ARHGAP27: variants seen among roughly 807,000 people sequenced by gnomAD.
ARHGAP27 encodes rho GTPase-activating protein 27.
In ARHGAP27, 53 loss-of-function variants were observed where a neutral mutation model predicts 102.0. The ratio of observed to expected loss-of-function variants is 0.52; its 90% CI spans 0.42 to 0.65. The LOEUF is 0.65. ARHGAP27 is among the 30% of genes least tolerant of loss of function. The pLI, the probability that ARHGAP27 is intolerant of heterozygous loss-of-function variation, is 0.00. For synonymous variants in ARHGAP27, 525 were observed against 542.8 expected (o/e 0.97, Z 0.46); for missense variants, 1,117 against 1,256.2 (o/e 0.89, Z 1.68).
At position 45,405,778 on chromosome 17, in the gene ARHGAP27, C is replaced by G. The variant is rs1325162292; in HGVS notation, c.963G>C (p.Pro321=). 2 of 1,568,938 alleles carry G rather than the reference C, an allele frequency of 1.3e-6. No individual in the cohort carries two copies. Among genetic ancestry groups the G allele is most frequent in the South Asian group, 2.3e-5 (2 of 87,102 alleles). ...CCTCCCAGGCCGTCTCGCCCGTCAG[C>G]GGGTTGTAGAAGAACACCCTGCGGC... ...EESRRVFFYN[P]LTGETAWEDE... The change falls in exon 5 of 20, where the codon CCG becomes CCC. Residue 321 remains proline (P), a synonymous_variant. Coordinates refer to ENST00000685559, the MANE Select transcript of ARHGAP27 (RefSeq NM_001282290.2).
chr17:45,430,012 G>C lies in ARHGAP27; in HGVS notation c.268C>G (p.Pro90Ala). 5.0e-6 allele frequency: 6 copies of C among 1,206,648 alleles called. No homozygotes were observed. Among genetic ancestry groups the C allele is most frequent in the Non-Finnish European group, 6.2e-6 (6 of 972,616 alleles). 74.7% of individuals were successfully genotyped at this position (1,206,648 alleles called of 1,614,324 possible). The change falls in exon 4 of 20, where the codon CCG becomes GCG. Residue 90 changes from proline (P) to alanine (A), a missense_variant. Physicochemically the swap from Pro to Ala is conservative, Grantham distance 27. Transcript: ENST00000685559. The surrounding 1 kb of genome is among the most constrained non-coding windows in gnomAD (Gnocchi z 4.4). ...GPHPSPAAPE[P>A]LAYDYRFVSA... ...ACAAACCGGTAGTCGTAGGCGAGCG[G>C]CTCAGGGGCCGCGGGGCTCGGGTGG...
At chr17:45,403,831 G>A (rs2046775579) in intron 10 of ARHGAP27, 122 bp from the exon 11 acceptor site, 1 of 1,012,586 alleles carries the variant, frequency 9.9e-7, no homozygotes, top group Admixed American at 2.3e-5. Flanking sequence ...CATTATGAGG[G>A]CTGGAATCCC....
Position 45,396,490 on chromosome 17 carries a change from G to A in ARHGAP27, c.2170C>T (p.Arg724Cys), listed in dbSNP as rs750099267. Residue 724 changes from arginine to cysteine, a missense_variant, in exon 16 of 20, where the codon CGC becomes TGC. This residue lies in a region of ARHGAP27 where 493 missense variants were observed against 505.5 expected (regional missense o/e 0.98). Transcript: ENST00000685559. ...CTCACCCCCGCAGCGCACGTACCGCGGGCCTCGACGGCGCGGATGCACTGC... is the reference window on the plus strand; with the variant it reads ...CTCACCCCCGCAGCGCACGTACCGCAGGCCTCGACGGCGCGGATGCACTGC... ...VQQCIRAVEA[R>C]GLDIDGLYRI... 1 of 1,538,856 alleles carries A rather than the reference G, an allele frequency of 6.5e-7. No homozygotes were observed. The highest frequency in any genetic ancestry group is 8.7e-7 in the Non-Finnish European group (1 of 1,147,704).
At chr17:45,429,487 C>A in intron 4 of ARHGAP27, 136 bp downstream of exon 4, 2 of 1,497,754 alleles carry the variant, frequency 1.3e-6, no homozygotes, top group Non-Finnish European at 1.8e-6. Flanking sequence ...GGAGAGGGAG[C>A]TCATCCGAAG....
At chr17:45,411,795 T>TCA (rs3068161) in intron 4 of ARHGAP27, among the ~76,000 whole-genome samples, 18,586 of 149,072 alleles carry the variant, frequency 0.12, 1,429 homozygotes, top group African/African-American at 0.22. Context: ...GGATGAGGAC[T>TCA]CACACACACA....
At chr17:45,429,462 ACGTTTCG>A (rs1422044017) in intron 4 of ARHGAP27, 154 bp downstream of exon 4, 1 of 1,470,484 alleles carries the variant, frequency 6.8e-7, no homozygotes, top group South Asian at 1.4e-5. Context: ...TGCACCCCTC[ACGTTTCG>A]CGGTTGGGGA....
chr17:45,404,247 G>A, intron 9 of ARHGAP27, 22 bp downstream of exon 9: 1 of 1,613,344 alleles, frequency 6.2e-7, no homozygotes, highest in Non-Finnish European at 8.5e-7. Flanking sequence ...CCACCTGGCT[G>A]GGGGTAGGGG....
At position 45,404,616 on chromosome 17, in the gene ARHGAP27, T is replaced by C. The variant is rs1279986745; in HGVS notation, c.1314A>G (p.Arg438=). 1 of 1,613,748 alleles carries C rather than the reference T, an allele frequency of 6.2e-7. No homozygotes were observed. Among genetic ancestry groups the C allele is most frequent in the African/African-American group, 1.3e-5 (1 of 74,854 alleles). The stretch of plus-strand genomic sequence containing the variant: ...AGGTTGTTACCTGGGGCAGCTCCCA[T>C]CGAACAGAGGAGTCCTCTGGATTGT... ...YFYNPEDSSV[R]WELPQVPVPA... is the part of the protein sequence containing the mutation. Residue 438 remains arginine (R), a synonymous_variant, in exon 7 of 20, where the codon CGA becomes CGG. Transcript: ENST00000685559.
At chr17:45,414,342 C>T (rs534641312) in intron 4 of ARHGAP27, among the ~76,000 whole-genome samples, 4 of 152,286 alleles carry the variant, frequency 2.6e-5, no homozygotes, top group East Asian at 1.9e-4. Flanking sequence ...CATAGCCTCC[C>T]GCTTGCTCGG....
At chr17:45,414,442 GTT>G (rs771117383) in intron 4 of ARHGAP27, among the ~76,000 whole-genome samples, 1 of 139,432 alleles carries the variant, frequency 7.2e-6, no homozygotes, top group Admixed American at 7.2e-5. Context: ...CTCCATGTTG[GTT>G]TTTTTTTTTT....
intron 2 of ARHGAP27, among the ~76,000 whole-genome samples, 163 bp from the exon 3 acceptor site, chr17:45,431,915 G>A (rs1406255418): frequency 1.3e-5 from 2 of 152,160 alleles, no homozygotes; most frequent in African/African-American, 2.4e-5. Flanking sequence ...ACCTGGAGCC[G>A]GGACTGCTGC....
rs1407634694 is a variant in ARHGAP27 at position 45,404,946 on chromosome 17, G to A, written c.1226C>T (p.Thr409Ile). 6.2e-7 allele frequency: 1 copy of A among 1,614,188 alleles called. No homozygotes were observed. Among genetic ancestry groups the A allele is most frequent in the East Asian group, 2.2e-5 (1 of 44,892 alleles). The change falls in exon 6 of 20, where the codon ACC becomes ATC. Residue 409 changes from threonine to isoleucine, a missense_variant. Physicochemically the swap from Thr to Ile is moderately conservative, Grantham distance 89 (BLOSUM62 -1). Around this residue, in one of 3 missense-constraint regions of ARHGAP27, gnomAD observed 610 missense variants for 716.4 expected, o/e 0.85. Transcript: ENST00000685559. ...HVSQDKQMLY[T>I]NHFTQEQWVR... Reference sequence around the variant, plus strand: ...TACCTGCTCCTGAGTGAAGTGGTTGGTGTAGAGCATCTGCTTGTCCTGGCT... The same window carrying A: ...TACCTGCTCCTGAGTGAAGTGGTTGATGTAGAGCATCTGCTTGTCCTGGCT...
In ARHGAP27 at chr17:45,406,049, A is replaced by C. The variant is rs1025074954; in HGVS notation, c.692T>G (p.Ile231Arg). ...TGAAGTGGCCCGGGGCTGCCTCTCT[A>C]TGTTCGCGTACACGGGCTCCGGTGG... ...DDPPEPVYAN[I>R]ERQPRATSPG... The change falls in exon 5 of 20, where the codon ATA (isoleucine) becomes AGA (arginine). Residue 231 changes from isoleucine (I) to arginine (R), a missense_variant. Ile to Arg is a moderately conservative substitution (Grantham distance 97, BLOSUM62 -3). Around this residue, in one of 3 missense-constraint regions of ARHGAP27, gnomAD observed 610 missense variants for 716.4 expected, o/e 0.85. Coordinates refer to ENST00000685559, the MANE Select transcript of ARHGAP27 (RefSeq NM_001282290.2). 1.3e-6 allele frequency: 2 copies of C among 1,531,132 alleles called. No individual in the cohort carries two copies. The highest frequency in any genetic ancestry group is 2.0e-5 in the Admixed American group (1 of 50,716). The allele number at this position is 1,531,132 out of a possible 1,614,324, so 94.8% of individuals were successfully genotyped here.
Position 45,405,865 on chromosome 17 carries a change from A to G in ARHGAP27, c.876T>C (p.Pro292=). 6.5e-7 allele frequency: 1 copy of G among 1,535,920 alleles called. No individual in the cohort carries two copies. The highest frequency in any genetic ancestry group is 1.2e-5 in the South Asian group (1 of 84,040). The change falls in exon 5 of 20, where the codon CCT becomes CCC. Residue 292 remains proline (P), a synonymous_variant. Transcript: ENST00000685559. ...GGCTCACGTGGCTGTCCACCGAGGC[A>G]GGGGAGGTGGCTGGGCTGGCGGCAC... is the stretch of plus-strand genomic sequence containing the variant. ...AEGAASPATS[P]ASVDSHVSLE... is the part of the protein sequence containing the mutation.
chr17:45,409,914 C>T, intron 4 of ARHGAP27: 2 of 354,804 alleles, frequency 5.6e-6, no homozygotes, highest in Non-Finnish European at 1.0e-5. Flanking sequence ...AAGTGGCCTT[C>T]CGACCTCAGG....
intron 12 of ARHGAP27, 81 bp downstream of exon 12, chr17:45,402,633 C>T: frequency 7.6e-7 from 1 of 1,323,464 alleles, no homozygotes. Context: ...ACCCCCAGGT[C>T]ATTTCCAGGT....
In ARHGAP27 at chr17:45,429,782, C is replaced by A. The variant is rs770842279; in HGVS notation, c.498G>T (p.Ser166=). Residue 166 remains serine, a synonymous_variant, in exon 4 of 20, where the codon TCG becomes TCT. Coordinates refer to ENST00000685559, the MANE Select transcript of ARHGAP27 (RefSeq NM_001282290.2). The stretch of plus-strand genomic sequence containing the variant: ...TGCTTCCTAGGAGGCCGGCGGGAGG[C>A]GAGACGGCGGCGCAGGCCAGGTCGT... The part of the protein sequence containing the change: ...SLNDLACAAV[S]PPAGLLGSSG... 1 of 1,522,908 alleles carries A rather than the reference C, an allele frequency of 6.6e-7. No individual in the cohort carries two copies. Among genetic ancestry groups the A allele is most frequent in the South Asian group, 1.2e-5 (1 of 82,828 alleles). The allele number at this position is 1,522,908 out of a possible 1,614,324, so 94.3% of individuals were successfully genotyped here. A position where few individuals can be genotyped will look rare whatever the true frequency, so the allele number is the denominator to read the frequency against.
rs533689534 is a variant in ARHGAP27, at chr17:45,405,126, G to A, written c.1066-20C>T. The A allele has an allele frequency of 1.0e-5, 16 of 1,556,162 alleles. 1 individual carries two copies. In the South Asian group the frequency reaches 1.1e-4, roughly 11 times the overall value. Reference sequence around the variant, plus strand: ...GGGGGGCTGCGGGGAACAGAAGGTGGAGTCAGAGGCTCTGAGTGCCAGTAC... The same window carrying A: ...GGGGGGCTGCGGGGAACAGAAGGTGAAGTCAGAGGCTCTGAGTGCCAGTAC... On this transcript the variant is annotated intron_variant, in intron 5 of 19. Transcript: ENST00000685559.
intron 10 of ARHGAP27, 87 bp from the exon 11 acceptor site, chr17:45,403,796 C>T: frequency 1.6e-6 from 2 of 1,223,214 alleles, no homozygotes; most frequent in Non-Finnish European, 2.3e-6. Context: ...CAAGTCAGAG[C>T]TTAGGAACAC....
Sources: allele counts gnomAD v4.1 joint callset (sites outside exome capture counted in the v4.1 genomes callset), GRCh38; gene constraint gnomAD v4.1.1; regional missense constraint gnomAD v4.1.1; non-coding constraint Gnocchi (gnomAD v3.1); transcripts MANE v1.5; gene names NCBI Gene and HGNC (gene_info 2026-07-23, HGNC 2026-07-21).